The following API5 variants were observed in gnomAD, a reference collection of about 807,000 sequenced individuals.
API5 encodes the protein apoptosis inhibitor 5, also known as FIF.
API5 carries 6 observed loss-of-function variants against 71.9 expected under a neutral mutation model. The observed-to-expected ratio is 0.08, with a 90% CI of 0.05 to 0.16. The LOEUF (loss-of-function observed/expected upper bound fraction) is 0.16, where lower values mean the gene tolerates loss of function less well. API5 is among the 10% of genes least tolerant of loss of function. API5 has a pLI of 1.00. For missense variants in API5, 332 were observed against 612.8 expected (o/e 0.54, Z 4.84); for synonymous variants, 189 against 221.3 (o/e 0.85, Z 1.30).
chr11:43,338,159 A>C (rs1352344356), intron 13 of API5, among the ~76,000 whole-genome samples: 1 of 152,246 alleles, frequency 6.6e-6, no homozygotes, highest in Non-Finnish European at 1.5e-5. Flanking sequence ...CAATTATTTT[A>C]CATTTGAGAA....
intron 13 of API5, among the ~76,000 whole-genome samples, chr11:43,337,518 T>G (rs188440227): frequency 3.4e-4 from 52 of 152,318 alleles, no homozygotes; most frequent in African/African-American, 1.2e-3. Context: ...ACCTTTACTT[T>G]AAGGATGATC....
chr11:43,313,472 A>T (rs1381871938), intron 1 of API5, among the ~76,000 whole-genome samples: 1 of 152,172 alleles, frequency 6.6e-6, no homozygotes, highest in Non-Finnish European at 1.5e-5. Flanking sequence ...TTTTCTGCTT[A>T]CGCATCCCTT....
intron 3 of API5, 135 bp from the exon 4 acceptor site, chr11:43,321,276 C>A: frequency 1.3e-6 from 1 of 756,502 alleles, no homozygotes; most frequent in South Asian, 1.7e-5. Context: ...CTTTTTGGTA[C>A]TTGAGGGAAT....
At chr11:43,324,824 A>G (rs1413609257) in intron 6 of API5, among the ~76,000 whole-genome samples, 1 of 151,962 alleles carries the variant, frequency 6.6e-6, no homozygotes, top group Non-Finnish European at 1.5e-5. Flanking sequence ...ATTACAGGCA[A>G]GCACCACCAC....
chr11:43,314,587 ACCACACAC>A (rs1854606114), intron 1 of API5, among the ~76,000 whole-genome samples: 1 of 152,216 alleles, frequency 6.6e-6, no homozygotes, highest in Non-Finnish European at 1.5e-5. Flanking sequence ...CCTACCATGT[ACCACACAC>A]CCGGCTGGAC....
At chr11:43,342,318 G>A (rs1855645134) in intron 13 of API5, 110 bp from the exon 14 acceptor site, 3 of 874,050 alleles carry the variant, frequency 3.4e-6, no homozygotes, top group Non-Finnish European at 5.4e-6. Flanking sequence ...TATTAGTTCT[G>A]TTCTTATAGG....
intron 3 of API5, 67 bp downstream of exon 3, chr11:43,320,981 T>G (rs1590354792): frequency 7.2e-7 from 1 of 1,391,826 alleles, no homozygotes; most frequent in East Asian, 2.3e-5. Flanking sequence ...TGACTCTGTT[T>G]TTAGGTTTTA....
At chr11:43,313,293 C>G (rs1347137910) in intron 1 of API5, among the ~76,000 whole-genome samples, 1 of 152,060 alleles carries the variant, frequency 6.6e-6, no homozygotes. Context: ...ATTATCCATA[C>G]AAGTCATTTG....
chr11:43,342,993 C>T lies in API5; in HGVS notation c.*483C>T, dbSNP rs1168843079. 4 of 213,502 alleles carry T rather than the reference C, an allele frequency of 1.9e-5. No individual in the cohort carries two copies. Among genetic ancestry groups the T allele is most frequent in the African/African-American group, 4.6e-5 (2 of 43,560 alleles). The allele number at this position is 213,502 out of a possible 1,614,324, so 13.2% of individuals were successfully genotyped here. Reference sequence around the variant, plus strand: ...GCTGCTGGGCAGTGGTGCAGCATTCCTACCTAGTGTCATAAAAGCAAAATA... The same window carrying T: ...GCTGCTGGGCAGTGGTGCAGCATTCTTACCTAGTGTCATAAAAGCAAAATA... On this transcript the variant is annotated 3_prime_UTR_variant, in exon 14 of 14. Transcript: ENST00000531273.
rs773245514 is a variant in API5, at chr11:43,330,520, G to A, written c.1234G>A (p.Val412Ile). ...TTTCCCTTTGTAGAACAAGATTAAA[G>A]TCGTTGCATTGAAAATAACAAACAA... ...ALKTEENKIK[V>I]VALKITNNIN... The change falls in exon 11 of 14, where the codon GTC (valine) becomes ATC (isoleucine). Residue 412 changes from valine (V) to isoleucine (I), a missense_variant. Val to Ile is a conservative substitution (Grantham distance 29, BLOSUM62 3). Coordinates refer to ENST00000531273, the MANE Select transcript of API5 (RefSeq NM_001142930.2). 12 of 1,599,484 alleles carry A rather than the reference G, an allele frequency of 7.5e-6. No homozygotes were observed. The highest frequency in any genetic ancestry group is 5.1e-6 in the Non-Finnish European group (6 of 1,167,456).
intron 9 of API5, 150 bp from the exon 10 acceptor site, chr11:43,329,815 T>C (rs1405616117): frequency 1.6e-6 from 1 of 626,218 alleles, no homozygotes; most frequent in Admixed American, 2.7e-5. Context: ...AAGCTCTTAA[T>C]CAGAAACAAG....
intron 2 of API5, among the ~76,000 whole-genome samples, chr11:43,320,038 C>A (rs1467944170): frequency 6.8e-6 from 1 of 146,518 alleles, no homozygotes; most frequent in Non-Finnish European, 1.5e-5. Flanking sequence ...GGAGCAAATT[C>A]TCTCTTTTTT....
intron 5 of API5, among the ~76,000 whole-genome samples, chr11:43,322,441 C>T (rs1420174007): frequency 2.0e-5 from 3 of 152,002 alleles, no homozygotes; most frequent in African/African-American, 4.8e-5. Flanking sequence ...TAAGTCCTAC[C>T]CCTCCCTTCC....
At chr11:43,324,081 G>A (rs953091330) in intron 6 of API5, among the ~76,000 whole-genome samples, 4 of 152,204 alleles carry the variant, frequency 2.6e-5, no homozygotes, top group African/African-American at 7.2e-5. Flanking sequence ...GCAGTGGCAC[G>A]ATCTTGGCTT....
rs1854726183 is a variant in API5, at chr11:43,317,881, TG to T, written c.70-756del. ...TTAGAGAGAGGGAGTTTCACCATGTTGGGCAGGCTGGTCTGGAACTCCTGAG... is the reference window on the plus strand; with the variant it reads ...TTAGAGAGAGGGAGTTTCACCATGTTGGCAGGCTGGTCTGGAACTCCTGAG... On this transcript the variant is annotated intron_variant, in intron 1 of 13. Transcript: ENST00000531273. Among the ~76,000 whole-genome samples the T allele has an allele frequency of 2.6e-5, 4 of 152,232 alleles. No homozygotes were observed. The South Asian group carries it at 8.3e-4, about 32-fold the overall frequency.
chr11:43,321,517 C>T, intron 4 of API5, 41 bp downstream of exon 4: 1 of 1,467,902 alleles, frequency 6.8e-7, no homozygotes. Context: ...TGATGTCTTA[C>T]AGAATCACAA....
At position 43,322,430 on chromosome 11, in the gene API5, C is replaced by T. The variant is rs549012436; in HGVS notation, c.543+294C>T. On this transcript the variant is annotated intron_variant, in intron 5 of 13. Coordinates refer to ENST00000531273, the MANE Select transcript of API5 (RefSeq NM_001142930.2). ...AATCACCTCCTTCAGGAAACTTTCCCTAAGTCCTACCCCTCCCTTCCATTT... is the reference window on the plus strand; with the variant it reads ...AATCACCTCCTTCAGGAAACTTTCCTTAAGTCCTACCCCTCCCTTCCATTT... Among the ~76,000 whole-genome samples the T allele has an allele frequency of 1.1e-4, 17 of 152,226 alleles. No homozygotes were observed. The East Asian group carries it at 3.3e-3, about 29-fold the overall frequency.
intron 12 of API5, 111 bp from the exon 13 acceptor site, chr11:43,335,747 G>T (rs1290062242): frequency 1.6e-6 from 2 of 1,234,354 alleles, no homozygotes; most frequent in South Asian, 1.6e-5. Context: ...TTTCTGATGA[G>T]ATTATCCTCT....
intron 13 of API5, among the ~76,000 whole-genome samples, chr11:43,341,479 G>A (rs1402267509): frequency 6.6e-6 from 1 of 152,132 alleles, no homozygotes; most frequent in East Asian, 1.9e-4. Flanking sequence ...GGTGAAATAA[G>A]CCAGCAATGG....
Sources: allele counts gnomAD v4.1 joint callset (sites outside exome capture counted in the v4.1 genomes callset), GRCh38; gene constraint gnomAD v4.1.1; transcripts MANE v1.5; gene names NCBI Gene and HGNC (gene_info 2026-07-23, HGNC 2026-07-21).